Variants in TENM3 observed in about 807,000 individuals in gnomAD.
TENM3 encodes teneurin transmembrane protein 3, also known as teneurin-3.
Under a neutral mutation model 255.1 loss-of-function variants are expected in TENM3, and 63 were observed. The ratio of observed to expected loss-of-function variants is 0.25; its 90% CI spans 0.20 to 0.30. TENM3 has a LOEUF of 0.30. Among genes scored for constraint, TENM3 ranks in the 10% least tolerant of loss-of-function variants. The pLI, the probability that TENM3 is intolerant of heterozygous loss-of-function variation, is 1.00. For missense variants in TENM3, 2,929 were observed against 3,461.1 expected, an observed-to-expected ratio of 0.85 and a Z score of 3.86; for synonymous variants, 1,306 against 1,322.3, an observed-to-expected ratio of 0.99 and a Z score of 0.27.
the TENM3 span, among the ~76,000 whole-genome samples, chr4:181,791,247 T>C: frequency 6.6e-6 from 1 of 152,176 alleles, no homozygotes. Context: ...GTGGGGGGTA[T>C]TTATTGTTTC....
chr4:181,853,564 A>G, the TENM3 span, among the ~76,000 whole-genome samples: 1 of 152,358 alleles, frequency 6.6e-6, no homozygotes, highest in African/African-American at 2.4e-5. Context: ...GTGAAGAGAT[A>G]CTTATGACAT....
In TENM3 at chr4:182,735,469, G is replaced by A. The variant is rs557210305; in HGVS notation, c.2968-1339G>A. Among the ~76,000 whole-genome samples, 4 of 152,294 alleles carry A rather than the reference G, an allele frequency of 2.6e-5. No individual in the cohort carries two copies. The South Asian group carries it at 8.3e-4, about 32-fold the overall frequency. On this transcript the variant is annotated intron_variant, in intron 16 of 27. Transcript: ENST00000511685. ...TTACTGAAGTTATTAAAGTTTGGAG[G>A]TGGCAGATAGACATCATCTTTAACT... is the stretch of plus-strand genomic sequence containing the variant.
chr4:181,970,165 T>C, the TENM3 span, among the ~76,000 whole-genome samples: 1 of 152,234 alleles, frequency 6.6e-6, no homozygotes. Context: ...AATTCTAACT[T>C]TTATTGATTC....
the TENM3 span, among the ~76,000 whole-genome samples, chr4:182,043,821 G>A: frequency 6.6e-6 from 1 of 152,106 alleles, no homozygotes; most frequent in Non-Finnish European, 1.5e-5. Context: ...GCCCATTGGC[G>A]ATGAGATTCC....
At chr4:181,631,434 C>A in the TENM3 span, among the ~76,000 whole-genome samples, 1 of 152,114 alleles carries the variant, frequency 6.6e-6, no homozygotes, top group East Asian at 1.9e-4. Context: ...AGATTACAGG[C>A]ATGCCCCACC....
Position 182,789,542 on chromosome 4 carries a change from G to A in TENM3, c.5601+153G>A, listed in dbSNP as rs77721476. Among the ~76,000 whole-genome samples the A allele has an allele frequency of 0.016, 2,400 of 152,320 alleles. 69 individuals carry two copies. The highest frequency in any genetic ancestry group is 0.055 in the African/African-American group (2,279 of 41,550). On this transcript the variant is annotated intron_variant, in intron 25 of 27. Coordinates refer to ENST00000511685, the MANE Select transcript of TENM3 (RefSeq NM_001080477.4). This position sits in a 1 kb window ranked among gnomAD's most constrained non-coding sequence, Gnocchi z 4.4. ...ATACGGAAGTCACATTGGCACAGCA[G>A]TGATGAATTTCTGCATTAGCAAAGT...
intron 3 of TENM3, among the ~76,000 whole-genome samples, chr4:182,504,505 A>G (rs901266079): frequency 6.6e-6 from 1 of 152,176 alleles, no homozygotes; most frequent in Non-Finnish European, 1.5e-5. Context: ...TATACAAGAT[A>G]TGTTTTGGTT....
chr4:181,921,069 C>A, the TENM3 span, among the ~76,000 whole-genome samples: 1 of 152,112 alleles, frequency 6.6e-6, no homozygotes, highest in Non-Finnish European at 1.5e-5. Flanking sequence ...TTTCTGAGGG[C>A]TCTGTTCTCT....
At chr4:181,527,362 TTTTTGTTTTG>T in the TENM3 span, among the ~76,000 whole-genome samples, 1 of 152,040 alleles carries the variant, frequency 6.6e-6, no homozygotes, top group Non-Finnish European at 1.5e-5. Flanking sequence ...TTTTTATTTG[TTTTTGTTTTG>T]TTTTGTTTTG....
At chr4:182,653,379 T>G (rs1753493568) in intron 5 of TENM3, among the ~76,000 whole-genome samples, 1 of 152,222 alleles carries the variant, frequency 6.6e-6, no homozygotes, top group African/African-American at 2.4e-5. Context: ...TCTACAGGTG[T>G]TGCAGCAAAG....
chr4:181,639,647 G>A, the TENM3 span, among the ~76,000 whole-genome samples: 30 of 152,208 alleles, frequency 2.0e-4, 1 homozygote, highest in South Asian at 2.1e-4. Flanking sequence ...GGCTGAGGCC[G>A]GAGAATCGCT....
chr4:182,435,130 G>T (rs900851396), intron 3 of TENM3, among the ~76,000 whole-genome samples: 1 of 152,186 alleles, frequency 6.6e-6, no homozygotes, highest in Non-Finnish European at 1.5e-5. Context: ...TGTCCGTTCT[G>T]GGGGTGAGGA....
chr4:182,404,578 A>G (rs1305509289), intron 3 of TENM3, among the ~76,000 whole-genome samples: 1 of 152,236 alleles, frequency 6.6e-6, no homozygotes, highest in South Asian at 2.1e-4. Flanking sequence ...CCGCTTTCTC[A>G]TGTTGACACA....
intron 3 of TENM3, among the ~76,000 whole-genome samples, chr4:182,410,736 C>T (rs968932374): frequency 5.9e-5 from 9 of 151,486 alleles, no homozygotes; most frequent in South Asian, 4.2e-4. Context: ...GAAGAGCACA[C>T]GAGCAAAAAT....
At chr4:182,448,554 C>T (rs954926286) in intron 3 of TENM3, among the ~76,000 whole-genome samples, 4 of 152,198 alleles carry the variant, frequency 2.6e-5, no homozygotes, top group African/African-American at 4.8e-5. Flanking sequence ...GAGAGAGATG[C>T]TTTTGTGAGC....
At chr4:182,651,718 A>G (rs1366080973) in intron 5 of TENM3, among the ~76,000 whole-genome samples, 1 of 148,528 alleles carries the variant, frequency 6.7e-6, no homozygotes, top group Admixed American at 6.7e-5. Context: ...AGAAAATCAG[A>G]GTTTAAGAGG....
chr4:182,459,619 C>G (rs1258026891), intron 3 of TENM3, among the ~76,000 whole-genome samples: 3 of 151,750 alleles, frequency 2.0e-5, no homozygotes, highest in African/African-American at 7.3e-5. Flanking sequence ...ACATTTCATA[C>G]AAAGGCAAAG....
chr4:181,488,242 A>C, the TENM3 span, among the ~76,000 whole-genome samples: 1 of 152,212 alleles, frequency 6.6e-6, no homozygotes, highest in South Asian at 2.1e-4. Context: ...GTCATACACT[A>C]TGTGTCCATA....
At chr4:181,730,284 CT>C in the TENM3 span, among the ~76,000 whole-genome samples, 1 of 152,146 alleles carries the variant, frequency 6.6e-6, no homozygotes, top group South Asian at 2.1e-4. Flanking sequence ...CCACAAAGCC[CT>C]TTGGTGCACA....
Sources: allele counts gnomAD v4.1 joint callset (sites outside exome capture counted in the v4.1 genomes callset), GRCh38; gene constraint gnomAD v4.1.1; non-coding constraint Gnocchi (gnomAD v3.1); transcripts MANE v1.5; gene names NCBI Gene and HGNC (gene_info 2026-07-23, HGNC 2026-07-21).